NCAM2: variants seen among roughly 807,000 people sequenced by gnomAD.
NCAM2 encodes the protein N-CAM-2.
In NCAM2, 30 loss-of-function variants were observed where a neutral mutation model predicts 98.1. The observed-to-expected ratio is 0.31, with a 90% CI of 0.23 to 0.41. The LOEUF (loss-of-function observed/expected upper bound fraction) is 0.41, where lower values mean the gene tolerates loss of function less well. Among genes scored for constraint, NCAM2 ranks in the 10% least tolerant of loss-of-function variants. The pLI, the probability that NCAM2 is intolerant of heterozygous loss-of-function variation, is 1.00. For missense variants in NCAM2, 867 were observed against 1,005.8 expected, an observed-to-expected ratio of 0.86 and a Z score of 1.87; for synonymous variants, 368 against 342.4, an observed-to-expected ratio of 1.07 and a Z score of -0.83.
chr21:21,380,353 G>A (rs2076126951), intron 9 of NCAM2, among the ~76,000 whole-genome samples: 3 of 152,076 alleles, frequency 2.0e-5, no homozygotes. Flanking sequence ...GGCTTACAAT[G>A]AGACACATAA....
chr21:21,504,387 A>G (rs1292079013), intron 15 of NCAM2, among the ~76,000 whole-genome samples: 2 of 151,862 alleles, frequency 1.3e-5, no homozygotes, highest in African/African-American at 4.8e-5. Context: ...TTAAAAAATA[A>G]AAAATGGATT....
chr21:21,252,499 AATTATAG>A (rs1188282412), intron 1 of NCAM2, among the ~76,000 whole-genome samples: 3 of 151,954 alleles, frequency 2.0e-5, no homozygotes, highest in Non-Finnish European at 2.9e-5. Flanking sequence ...CTAGTCAATC[AATTATAG>A]AATATGCCAA....
At chr21:21,472,283 G>A (rs114311620) in intron 14 of NCAM2, among the ~76,000 whole-genome samples, 1,999 of 152,104 alleles carry the variant, frequency 0.013, 42 homozygotes, top group African/African-American at 0.046. Flanking sequence ...TCTTAAGTAA[G>A]TTGGAGTCCA....
chr21:21,496,409 T>C (rs552242382), intron 15 of NCAM2, among the ~76,000 whole-genome samples: 285 of 152,236 alleles, frequency 1.9e-3, no homozygotes, highest in Middle Eastern at 3.4e-3. Flanking sequence ...CACTTGTATA[T>C]CTTCTTTTTG....
At chr21:21,149,233 A>T (rs1028848054) in intron 1 of NCAM2, among the ~76,000 whole-genome samples, 24 of 152,120 alleles carry the variant, frequency 1.6e-4, no homozygotes, top group Non-Finnish European at 2.9e-4. Flanking sequence ...CCTTCTTGGC[A>T]ATTTTCTCAA....
At chr21:21,284,577 G>C (rs976651514) in intron 3 of NCAM2, among the ~76,000 whole-genome samples, 177 bp downstream of exon 3, 1 of 151,574 alleles carries the variant, frequency 6.6e-6, no homozygotes, top group Non-Finnish European at 1.5e-5. Context: ...ATAATAAGTG[G>C]TTATAAACAT....
chr21:21,065,572 A>C (rs2065419194), intron 1 of NCAM2, among the ~76,000 whole-genome samples: 1 of 152,160 alleles, frequency 6.6e-6, no homozygotes, highest in South Asian at 2.1e-4. Context: ...TAATCATGTA[A>C]GTATCTCGTC....
intron 1 of NCAM2, among the ~76,000 whole-genome samples, chr21:21,033,074 A>C (rs565105855): frequency 6.6e-6 from 1 of 151,772 alleles, no homozygotes; most frequent in South Asian, 2.1e-4. Flanking sequence ...CCTCCCAAGT[A>C]GCTGTAGCTG....
chr21:21,530,136 T>C (rs1989555040), intron 16 of NCAM2, among the ~76,000 whole-genome samples: 2 of 143,534 alleles, frequency 1.4e-5, no homozygotes, highest in South Asian at 2.1e-4. Context: ...ATATATGATT[T>C]AATTTAATTT....
At chr21:21,407,873 T>G (rs770082537) in intron 9 of NCAM2, among the ~76,000 whole-genome samples, 2 of 152,212 alleles carry the variant, frequency 1.3e-5, no homozygotes, top group Admixed American at 6.5e-5. Context: ...TTTTTGACTT[T>G]GAATATCAAG....
chr21:21,428,203 G>A (rs3787606), intron 11 of NCAM2, among the ~76,000 whole-genome samples: 2,643 of 152,208 alleles, frequency 0.017, 70 homozygotes, highest in East Asian at 0.13. Flanking sequence ...GTGGTGAATG[G>A]TATTCATCAA....
intron 5 of NCAM2, among the ~76,000 whole-genome samples, chr21:21,300,238 T>A (rs2073659611): frequency 6.6e-6 from 1 of 151,808 alleles, no homozygotes; most frequent in Admixed American, 6.6e-5. Flanking sequence ...TGCACAAGAT[T>A]TCCAGGGGCC....
chr21:21,025,993 G>A (rs1454968312), intron 1 of NCAM2, among the ~76,000 whole-genome samples: 3 of 152,212 alleles, frequency 2.0e-5, no homozygotes, highest in Non-Finnish European at 4.4e-5. Context: ...GACAACAGGA[G>A]TCAGGTGGAG....
At chr21:21,315,152 C>A (rs1007119935) in intron 5 of NCAM2, among the ~76,000 whole-genome samples, 2 of 152,088 alleles carry the variant, frequency 1.3e-5, no homozygotes, top group Non-Finnish European at 2.9e-5. Context: ...TATTCAGACG[C>A]CATTTTCATT....
At chr21:21,481,477 G>A (rs995365332) in intron 15 of NCAM2, among the ~76,000 whole-genome samples, 8 of 152,318 alleles carry the variant, frequency 5.3e-5, no homozygotes, top group African/African-American at 1.4e-4. Context: ...CTTTGCTGAC[G>A]TCATTGAGAG....
At chr21:21,451,541 T>C (rs1244902975) in intron 12 of NCAM2, among the ~76,000 whole-genome samples, 3 of 152,148 alleles carry the variant, frequency 2.0e-5, no homozygotes. Flanking sequence ...AAAATTAAAA[T>C]AGTAGTTTCT....
chr21:21,488,407 T>C (rs1387567169), intron 15 of NCAM2, among the ~76,000 whole-genome samples: 1 of 152,054 alleles, frequency 6.6e-6, no homozygotes, highest in South Asian at 2.1e-4. Context: ...TAGTCATTTA[T>C]GTTAAATGAA....
chr21:21,167,958 A>G (rs1601550109), intron 1 of NCAM2, among the ~76,000 whole-genome samples: 1 of 152,136 alleles, frequency 6.6e-6, no homozygotes, highest in Admixed American at 6.5e-5. Flanking sequence ...CTAATTATAT[A>G]TGGTCAGCAT....
intron 15 of NCAM2, among the ~76,000 whole-genome samples, chr21:21,495,486 A>G (rs1987159366): frequency 6.6e-6 from 1 of 152,042 alleles, no homozygotes; most frequent in Non-Finnish European, 1.5e-5. Flanking sequence ...CATTGTGACG[A>G]TTCTGCTTCC....
Sources: gnomAD v4.1 joint callset for allele counts (sites outside exome capture counted in the v4.1 genomes callset) on GRCh38, gnomAD v4.1.1 for gene constraint, MANE v1.5 for transcripts, NCBI Gene and HGNC (gene_info 2026-07-23, HGNC 2026-07-21) for gene names.